FRMD3: variants seen among roughly 807,000 people sequenced by gnomAD.
FRMD3 encodes the protein FERM domain containing 3.
Under a neutral mutation model 70.2 loss-of-function variants are expected in FRMD3, and 33 were observed. The observed-to-expected ratio is 0.47, with a 90% confidence interval of 0.36 to 0.63. FRMD3 has a LOEUF of 0.63. FRMD3 is among the 20% of genes least tolerant of loss of function. The pLI is 0.00. For missense variants in FRMD3, 632 were observed against 711.4 expected, an observed-to-expected ratio of 0.89 and a Z score of 1.27; for synonymous variants, 279 against 255.9, an observed-to-expected ratio of 1.09 and a Z score of -0.86.
intron 5 of FRMD3, among the ~76,000 whole-genome samples, chr9:83,340,871 C>T (rs1006047625): frequency 1.3e-5 from 2 of 152,202 alleles, no homozygotes; most frequent in African/African-American, 4.8e-5. Flanking sequence ...GCTGGAATTA[C>T]AGGTGTGCAC....
intron 1 of FRMD3, among the ~76,000 whole-genome samples, chr9:83,438,201 A>T (rs1827191959): frequency 6.6e-6 from 1 of 152,216 alleles, no homozygotes; most frequent in African/African-American, 2.4e-5. Context: ...AGCCACAAAA[A>T]TATGGGGTAG....
At chr9:83,393,338 G>C (rs1298530394) in intron 1 of FRMD3, among the ~76,000 whole-genome samples, 2 of 152,280 alleles carry the variant, frequency 1.3e-5, no homozygotes, top group South Asian at 2.1e-4. Flanking sequence ...GTGACCCATG[G>C]ACTATGCCAG....
intron 13 of FRMD3, among the ~76,000 whole-genome samples, chr9:83,273,632 G>T (rs1833692598): frequency 8.5e-6 from 1 of 117,450 alleles, no homozygotes; most frequent in Admixed American, 8.1e-5. Context: ...AAAAAACCTG[G>T]GGAAAAAAAA....
At chr9:83,443,446 C>G (rs1827365078) in intron 1 of FRMD3, among the ~76,000 whole-genome samples, 1 of 152,150 alleles carries the variant, frequency 6.6e-6, no homozygotes, top group Admixed American at 6.5e-5. Flanking sequence ...CAGCTTCACC[C>G]ATGTCGCTAC....
chr9:83,549,284 T>C, the FRMD3 span, among the ~76,000 whole-genome samples: 2 of 152,216 alleles, frequency 1.3e-5, no homozygotes, highest in Admixed American at 6.5e-5. Flanking sequence ...ATATATGATA[T>C]TGTTCTTTTT....
chr9:83,342,729 T>A (rs1823812465), intron 5 of FRMD3, among the ~76,000 whole-genome samples: 1 of 111,870 alleles, frequency 8.9e-6, no homozygotes, highest in Non-Finnish European at 2.0e-5. Context: ...GATAGATAGA[T>A]AGATAGTTAG....
At chr9:83,471,476 A>G (rs1439666896) in intron 1 of FRMD3, among the ~76,000 whole-genome samples, 1 of 152,134 alleles carries the variant, frequency 6.6e-6, no homozygotes, top group Admixed American at 6.5e-5. Context: ...GCATGAGGAC[A>G]CAGTTGCAGG....
At chr9:83,296,131 A>G (rs1461145852) in intron 12 of FRMD3, among the ~76,000 whole-genome samples, 1 of 152,206 alleles carries the variant, frequency 6.6e-6, no homozygotes, top group Non-Finnish European at 1.5e-5. Flanking sequence ...GCTTATTACT[A>G]CATTCTCACT....
At chr9:83,392,295 C>T (rs12349789) in intron 1 of FRMD3, among the ~76,000 whole-genome samples, 115,044 of 151,942 alleles carry the variant, frequency 0.76, 43,844 homozygotes, top group African/African-American at 0.78. Context: ...AGTCAGCTTA[C>T]AGTCCCACAT....
the FRMD3 span, among the ~76,000 whole-genome samples, chr9:83,579,704 C>A: frequency 1.3e-5 from 2 of 152,036 alleles, no homozygotes; most frequent in African/African-American, 4.8e-5. Flanking sequence ...AGGCAGAAAT[C>A]TCCACAACAT....
chr9:83,377,881 G>A (rs1825198988), intron 2 of FRMD3, among the ~76,000 whole-genome samples: 2 of 152,052 alleles, frequency 1.3e-5, no homozygotes, highest in Admixed American at 1.3e-4. Context: ...AAAAAAGACG[G>A]CTAATGTCTA....
intron 1 of FRMD3, among the ~76,000 whole-genome samples, chr9:83,480,427 T>G (rs1828539972): frequency 6.6e-6 from 1 of 151,382 alleles, no homozygotes; most frequent in Admixed American, 6.6e-5. Context: ...AATATATAAA[T>G]AAAAAATACA....
chr9:83,470,901 T>A (rs7034871), intron 1 of FRMD3, among the ~76,000 whole-genome samples: 1 of 152,058 alleles, frequency 6.6e-6, no homozygotes, highest in South Asian at 2.1e-4. Context: ...GAATGTGATC[T>A]TACACAAGCT....
chr9:83,428,735 A>G (rs1171092930), intron 1 of FRMD3, among the ~76,000 whole-genome samples: 3 of 152,196 alleles, frequency 2.0e-5, no homozygotes, highest in Admixed American at 6.5e-5. Context: ...TGATGCCTTT[A>G]GCCTAAAATC....
chr9:83,264,201 A>C (rs1000464209), intron 13 of FRMD3, among the ~76,000 whole-genome samples: 3 of 152,242 alleles, frequency 2.0e-5, no homozygotes, highest in Non-Finnish European at 1.5e-5. Flanking sequence ...CAGTGAAAGA[A>C]GCCAGTCTGA....
intron 1 of FRMD3, among the ~76,000 whole-genome samples, chr9:83,452,626 C>T (rs1462570389): frequency 1.3e-5 from 2 of 151,618 alleles, no homozygotes; most frequent in South Asian, 2.1e-4. Flanking sequence ...GGACTACAGG[C>T]GCCCACCACC....
the FRMD3 span, among the ~76,000 whole-genome samples, chr9:83,554,720 C>T: frequency 6.6e-6 from 1 of 152,190 alleles, no homozygotes; most frequent in East Asian, 1.9e-4. Context: ...CTTTTGGTTG[C>T]CTCCGGAGGC....
At chr9:83,581,054 T>C in the FRMD3 span, among the ~76,000 whole-genome samples, 1 of 152,140 alleles carries the variant, frequency 6.6e-6, no homozygotes, top group African/African-American at 2.4e-5. Context: ...TATTGTCTCA[T>C]GTTTGTTTGA....
chr9:83,484,279 A>G (rs1340968611), intron 1 of FRMD3, among the ~76,000 whole-genome samples: 1 of 152,264 alleles, frequency 6.6e-6, no homozygotes. Context: ...TTGCCAATAT[A>G]TAGAATACAA....
Sources: allele counts gnomAD v4.1 joint callset (sites outside exome capture counted in the v4.1 genomes callset), GRCh38; gene constraint gnomAD v4.1.1; transcripts MANE v1.5; gene names NCBI Gene and HGNC (gene_info 2026-07-23, HGNC 2026-07-21).